MEP1A: variants seen among roughly 807,000 people sequenced by gnomAD.
MEP1A encodes N-benzoyl-L-tyrosyl-P-amino-benzoic acid hydrolase subunit alpha.
Under a neutral mutation model 84.5 loss-of-function variants are expected in MEP1A, and 68 were observed. The observed-to-expected ratio is 0.80, with a 90% confidence interval of 0.66 to 0.98. The LOEUF (loss-of-function observed/expected upper bound fraction) is 0.98, where lower values mean the gene tolerates loss of function less well. Among genes scored for constraint, MEP1A ranks in the 50% least tolerant of loss-of-function variants. The pLI is 0.00. For synonymous variants in MEP1A, 337 were observed against 336.8 expected (o/e 1.00, Z -0.01); for missense variants, 887 against 919.9 (o/e 0.96, Z 0.46).
chr6:46,793,541 A>G lies in MEP1A; in HGVS notation c.70-11A>G, dbSNP rs1036812671. 2 of 1,559,934 alleles carry G rather than the reference A, an allele frequency of 1.3e-6. No homozygotes were observed. The highest frequency in any genetic ancestry group is 2.8e-5 in the African/African-American group (2 of 72,618). On this transcript the variant is annotated splice_polypyrimidine_tract_variant and intron_variant, in intron 1 of 13. Coordinates refer to ENST00000230588, the MANE Select transcript of MEP1A (RefSeq NM_005588.3). ...TACATTATCCATTTTCTGTATATTT[A>G]TTTTTTTCAGATTAAGTATCTTCCT...
chr6:46,815,940 A>G (rs1767623956), intron 6 of MEP1A, among the ~76,000 whole-genome samples: 1 of 152,016 alleles, frequency 6.6e-6, no homozygotes, highest in South Asian at 2.1e-4. Context: ...TTATTTATTT[A>G]TTTATTATTT....
At position 46,832,312 on chromosome 6, in the gene MEP1A, C is replaced by A. The variant is rs1581687866; in HGVS notation, c.1145-762C>A. 2.0e-5 allele frequency among the ~76,000 whole-genome samples: 3 copies of A among 152,330 alleles called. No homozygotes were observed. The South Asian group carries it at 6.2e-4, about 32-fold the overall frequency. ...TCGCAGTTTCCTCTCTCCAGTACCC[C>A]CAAGCTCCTGTCTGGCTTCTTATAC... is the stretch of plus-strand genomic sequence containing the variant. On this transcript the variant is annotated intron_variant, in intron 10 of 13. Transcript: ENST00000230588.
intron 5 of MEP1A, among the ~76,000 whole-genome samples, chr6:46,808,331 T>G (rs1767412701): frequency 6.6e-6 from 1 of 152,058 alleles, no homozygotes; most frequent in Non-Finnish European, 1.5e-5. Flanking sequence ...GACTATTTCT[T>G]TAATGATCTT....
At chr6:46,816,093 T>C (rs1161230735) in intron 6 of MEP1A, among the ~76,000 whole-genome samples, 2 of 152,014 alleles carry the variant, frequency 1.3e-5, no homozygotes, top group Admixed American at 1.3e-4. Context: ...TGTGCCACCA[T>C]GCTTGGCTAA....
downstream of MEP1A, among the ~76,000 whole-genome samples, chr6:46,840,831 G>C (rs1768318585): frequency 2.6e-5 from 4 of 152,168 alleles, no homozygotes. Context: ...CAGCCCAGTT[G>C]TATTATCTCC....
At chr6:46,805,480 C>A (rs114611318) in intron 5 of MEP1A, among the ~76,000 whole-genome samples, 2 of 151,814 alleles carry the variant, frequency 1.3e-5, no homozygotes, top group Non-Finnish European at 2.9e-5. Flanking sequence ...TCTGTTAACC[C>A]ATTTTAAAAA....
At chr6:46,843,686 T>C (rs989138864), downstream of MEP1A, among the ~76,000 whole-genome samples, 1 of 152,338 alleles carries the variant, frequency 6.6e-6, no homozygotes, top group South Asian at 2.1e-4. Context: ...GCAGGCTGTA[T>C]ACAGTGTATT....
intron 8 of MEP1A, 91 bp from the exon 9 acceptor site, chr6:46,826,263 C>T: frequency 8.5e-7 from 1 of 1,182,076 alleles, no homozygotes; most frequent in East Asian, 2.5e-5. Flanking sequence ...CCTGTCATAT[C>T]TGAACAATGA....
Position 46,829,371 on chromosome 6 carries a change from T to A in MEP1A, c.944T>A (p.Met315Lys). 1 of 1,613,490 alleles carries A rather than the reference T, an allele frequency of 6.2e-7. No homozygotes were observed. Among genetic ancestry groups the A allele is most frequent in the East Asian group, 2.2e-5 (1 of 44,880 alleles). Reference sequence around the variant, plus strand: ...CTTTCCATAGGTGCCGGCTACTTCATGCAGTTCAGCACCAGCTCGGGGTCC... The same window carrying A: ...CTTTCCATAGGTGCCGGCTACTTCAAGCAGTTCAGCACCAGCTCGGGGTCC... ...LGQCTGAGYF[M>K]QFSTSSGSAE... Residue 315 changes from methionine to lysine, a missense_variant, in exon 10 of 14, where the codon ATG (methionine) becomes AAG (lysine). Met to Lys is a moderately conservative substitution (Grantham distance 95). Coordinates refer to ENST00000230588, the MANE Select transcript of MEP1A (RefSeq NM_005588.3).
At chr6:46,796,144 T>G (rs1311841497) in intron 3 of MEP1A, among the ~76,000 whole-genome samples, 1 of 152,194 alleles carries the variant, frequency 6.6e-6, no homozygotes, top group Non-Finnish European at 1.5e-5. Flanking sequence ...AGGAAACTTG[T>G]TAGGAATGAA....
chr6:46,808,730 C>T (rs1767420699), intron 5 of MEP1A, among the ~76,000 whole-genome samples: 1 of 151,940 alleles, frequency 6.6e-6, no homozygotes, highest in Admixed American at 6.6e-5. Flanking sequence ...TTTTTCCTGC[C>T]CCTTCAAGTC....
chr6:46,816,723 C>G (rs986899596), intron 6 of MEP1A, among the ~76,000 whole-genome samples: 1 of 152,146 alleles, frequency 6.6e-6, no homozygotes, highest in Non-Finnish European at 1.5e-5. Flanking sequence ...TTCATGGACT[C>G]AGTGCTGTTG....
chr6:46,838,578 T>C (rs1768267944), intron 13 of MEP1A, among the ~76,000 whole-genome samples: 1 of 152,174 alleles, frequency 6.6e-6, no homozygotes, highest in African/African-American at 2.4e-5. Flanking sequence ...GGAATTTCCT[T>C]TGTAGCTTAT....
rs755976475 is a variant in MEP1A at position 46,825,404 on chromosome 6, C to G, written c.689C>G (p.Ala230Gly). ...NKNASVPTIT[A>G]KIPEFNSIIG... Reference sequence around the variant, plus strand: ...AATGCAAGTGTTCCCACCATCACAGCCAAGATCCCTGAGTTTAACTCCATT... The same window carrying G: ...AATGCAAGTGTTCCCACCATCACAGGCAAGATCCCTGAGTTTAACTCCATT... The change falls in exon 8 of 14, where the codon GCC becomes GGC. Residue 230 changes from alanine to glycine, a missense_variant. By Grantham distance (60) the Ala-to-Gly change is moderately conservative. Coordinates refer to ENST00000230588, the MANE Select transcript of MEP1A (RefSeq NM_005588.3). The G allele has an allele frequency of 6.2e-7, 1 of 1,613,786 alleles. No individual in the cohort carries two copies. The highest frequency in any genetic ancestry group is 1.1e-5 in the South Asian group (1 of 91,062).
At chr6:46,825,207 A>G (rs1767909579) in intron 7 of MEP1A, 65 bp from the exon 8 acceptor site, 1 of 957,348 alleles carries the variant, frequency 1.0e-6, no homozygotes, top group East Asian at 2.5e-5. Context: ...CTGGGTATCT[A>G]GTCAAAGAGT....
chr6:46,825,011 TATAAA>T (rs1767894818), intron 7 of MEP1A, among the ~76,000 whole-genome samples: 1 of 87,716 alleles, frequency 1.1e-5, no homozygotes, highest in African/African-American at 3.3e-5. Context: ...TTTAAGTATA[TATAAA>T]TTATATATTT....
chr6:46,838,981 T>C lies in MEP1A; in HGVS notation c.2086T>C (p.Cys696Arg). 1.9e-6 allele frequency: 3 copies of C among 1,611,048 alleles called. No homozygotes were observed. The highest frequency in any genetic ancestry group is 2.5e-6 in the Non-Finnish European group (3 of 1,177,828). ...TCCCTTCATGTCCTTTTCCCTCAGG[T>C]GCATCTCTGGACATGCTTTCTTCTA... ...VNVKGMASCR[C>R]ISGHAFFYTG... Residue 696 changes from cysteine to arginine, a missense_variant and splice_region_variant, in exon 14 of 14, where the codon TGC becomes CGC. Coordinates refer to ENST00000230588, the MANE Select transcript of MEP1A (RefSeq NM_005588.3).
chr6:46,812,995 T>C (rs1477766326), intron 6 of MEP1A, among the ~76,000 whole-genome samples: 1 of 152,036 alleles, frequency 6.6e-6, no homozygotes, highest in Admixed American at 6.6e-5. Context: ...TGTTTTAGGG[T>C]ATAGTTAAAG....
intron 5 of MEP1A, 87 bp from the exon 6 acceptor site, chr6:46,809,332 TG>T: frequency 1.3e-6 from 1 of 789,242 alleles, no homozygotes. Flanking sequence ...GGATTTAATG[TG>T]GCAGCATGGT....
Sources: gnomAD v4.1 joint callset for allele counts (sites outside exome capture counted in the v4.1 genomes callset) on GRCh38, gnomAD v4.1.1 for gene constraint, MANE v1.5 for transcripts, NCBI Gene and HGNC (gene_info 2026-07-23, HGNC 2026-07-21) for gene names.